The following SPINK5 variants were observed in gnomAD, a reference collection of about 807,000 sequenced individuals.
SPINK5 encodes serine protease inhibitor Kazal-type 5.
Under a neutral mutation model 151.8 loss-of-function variants are expected in SPINK5, and 125 were observed. The observed-to-expected ratio is 0.82, with a 90% confidence interval of 0.71 to 0.96. The LOEUF (loss-of-function observed/expected upper bound fraction) is 0.96, where lower values mean the gene tolerates loss of function less well. Among genes scored for constraint, SPINK5 ranks in the 40% least tolerant of loss-of-function variants. SPINK5 has a pLI of 0.00. For synonymous variants in SPINK5, 374 were observed against 395.3 expected (o/e 0.95, Z 0.64); for missense variants, 1,194 against 1,291.9 (o/e 0.92, Z 1.16).
At position 148,107,454 on chromosome 5, in the gene SPINK5, A is replaced by G. The variant is rs1753813306; in HGVS notation, c.1607+290A>G. 2.0e-5 allele frequency among the ~76,000 whole-genome samples: 3 copies of G among 151,990 alleles called. No individual in the cohort carries two copies. The South Asian group carries it at 6.2e-4, about 32-fold the overall frequency. On this transcript the variant is annotated intron_variant, in intron 17 of 32. Coordinates refer to ENST00000256084, the MANE Select transcript of SPINK5 (RefSeq NM_006846.4). ...AAAAAGAGAGAGCAGAAATTTCATG[A>G]TTTGGATTGGATGATCTTTTTGATG...
intron 27 of SPINK5, 65 bp from the exon 28 acceptor site, chr5:148,124,700 G>A: frequency 7.6e-7 from 1 of 1,313,224 alleles, no homozygotes; most frequent in Non-Finnish European, 1.0e-6. Flanking sequence ...GAAATACTTG[G>A]TTAAAGACAA....
chr5:148,118,625 CTA>C (rs1198933618), intron 23 of SPINK5, 61 bp downstream of exon 23: 2 of 1,595,912 alleles, frequency 1.3e-6, no homozygotes, highest in Admixed American at 3.3e-5. Context: ...GAATGAATGG[CTA>C]TTTCTCATTT....
intron 32 of SPINK5, among the ~76,000 whole-genome samples, chr5:148,135,914 C>A (rs1394745628): frequency 6.6e-6 from 1 of 152,086 alleles, no homozygotes; most frequent in East Asian, 1.9e-4. Flanking sequence ...TATACAGTAA[C>A]TACTAAGATT....
chr5:148,090,829 CTGTT>C (rs1753288810), intron 7 of SPINK5: 3 of 255,824 alleles, frequency 1.2e-5, no homozygotes, highest in Non-Finnish European at 1.5e-5. Context: ...TGACAATCTT[CTGTT>C]TGTCAATCAA....
chr5:148,119,773 C>T (rs1754201866), intron 24 of SPINK5, among the ~76,000 whole-genome samples: 2 of 152,338 alleles, frequency 1.3e-5, no homozygotes, highest in South Asian at 4.1e-4. Flanking sequence ...TTAAATTCAA[C>T]TGATTAGCAA....
At chr5:148,075,349 TATAA>T (rs1400264202) in intron 4 of SPINK5, among the ~76,000 whole-genome samples, 4 of 151,212 alleles carry the variant, frequency 2.6e-5, no homozygotes, top group Non-Finnish European at 4.4e-5. Context: ...AGTCTATTAA[TATAA>T]ATAAATTTCT....
intron 13 of SPINK5, among the ~76,000 whole-genome samples, chr5:148,100,787 A>C (rs1425417646): frequency 6.6e-6 from 1 of 152,216 alleles, no homozygotes; most frequent in Admixed American, 6.5e-5. Context: ...GGAGAAAGTC[A>C]TAATCTTGAA....
chr5:148,108,136 A>G (rs2113144882), intron 17 of SPINK5, among the ~76,000 whole-genome samples: 1 of 152,296 alleles, frequency 6.6e-6, no homozygotes, highest in South Asian at 2.1e-4. Context: ...GTAAATGCTA[A>G]GGATTTTCCA....
intron 10 of SPINK5, among the ~76,000 whole-genome samples, chr5:148,096,747 C>CTT (rs141541747): frequency 0.084 from 11,413 of 135,688 alleles, 699 homozygotes; most frequent in East Asian, 0.29. Flanking sequence ...TTTTTCTTTT[C>CTT]TTTTCTTTTT....
intron 6 of SPINK5, chr5:148,089,215 A>C: frequency 1.9e-6 from 1 of 523,378 alleles, no homozygotes; most frequent in Non-Finnish European, 3.7e-6. Context: ...TTTATCACCT[A>C]GGAGATTGGG....
intron 18 of SPINK5, among the ~76,000 whole-genome samples, chr5:148,109,119 C>T (rs1187016131): frequency 1.3e-5 from 2 of 152,190 alleles, no homozygotes; most frequent in African/African-American, 4.8e-5. Context: ...TGTTATCTTA[C>T]TGTCTGAATG....
At chr5:148,084,845 G>C (rs1288906641) in intron 4 of SPINK5, among the ~76,000 whole-genome samples, 1 of 151,694 alleles carries the variant, frequency 6.6e-6, no homozygotes, top group African/African-American at 2.4e-5. Flanking sequence ...ATCTAAAATA[G>C]TCCCCATTCT....
rs1195189805 is a variant in SPINK5 at position 148,123,854 on chromosome 5, A to G, written c.2560A>G (p.Ser854Gly). 3 of 1,614,032 alleles carry G rather than the reference A, an allele frequency of 1.9e-6. No individual in the cohort carries two copies. In the South Asian group the frequency reaches 3.3e-5, roughly 18 times the overall value. ...GTAGGATCTGTGTCGTGAATTTCGA[A>G]GCATGCAGAGAAATGGAAAGCTTAT... is the stretch of plus-strand genomic sequence containing the variant. ...DKEDLCREFR[S>G]MQRNGKLICT... The change falls in exon 27 of 33, where the codon AGC becomes GGC. Residue 854 changes from serine to glycine, a missense_variant. Physicochemically the swap from Ser to Gly is moderately conservative, Grantham distance 56. Coordinates refer to ENST00000256084, the MANE Select transcript of SPINK5 (RefSeq NM_006846.4).
At chr5:148,102,036 T>A in intron 15 of SPINK5, 128 bp downstream of exon 15, 1 of 1,341,318 alleles carries the variant, frequency 7.5e-7, no homozygotes, top group Non-Finnish European at 1.0e-6. Context: ...GTGTCATATT[T>A]AAATGGACTA....
At chr5:148,114,520 G>T in intron 21 of SPINK5, 31 bp downstream of exon 21, 1 of 1,611,952 alleles carries the variant, frequency 6.2e-7, no homozygotes, top group Non-Finnish European at 8.5e-7. Context: ...ACTACTGTGG[G>T]ATGGTGGAAT....
chr5:148,064,586 G>A (rs1752528133), intron 1 of SPINK5, among the ~76,000 whole-genome samples: 1 of 152,124 alleles, frequency 6.6e-6, no homozygotes, highest in Admixed American at 6.6e-5. Flanking sequence ...TGCTAAATGG[G>A]TTGAAAGCAT....
intron 13 of SPINK5, 145 bp downstream of exon 13, chr5:148,100,726 A>G (rs1159594574): frequency 5.4e-6 from 5 of 921,940 alleles, no homozygotes; most frequent in Non-Finnish European, 8.3e-6. Context: ...GGAGACATGT[A>G]TTTGAAAATC....
intron 11 of SPINK5, among the ~76,000 whole-genome samples, chr5:148,098,877 T>C (rs1753552289): frequency 6.6e-6 from 1 of 152,050 alleles, no homozygotes; most frequent in Non-Finnish European, 1.5e-5. Context: ...AGATGTGCTT[T>C]GTTAAGGCCA....
chr5:148,070,557 G>C, intron 3 of SPINK5, 107 bp downstream of exon 3: 1 of 1,459,300 alleles, frequency 6.9e-7, no homozygotes, highest in South Asian at 1.2e-5. Context: ...AAACCGAAAT[G>C]GTTAAATAAA....
Sources: gnomAD v4.1 joint callset for allele counts (sites outside exome capture counted in the v4.1 genomes callset) on GRCh38, gnomAD v4.1.1 for gene constraint, MANE v1.5 for transcripts, NCBI Gene and HGNC (gene_info 2026-07-23, HGNC 2026-07-21) for gene names.